The following FRMPD1 variants were observed in gnomAD, a reference collection of about 807,000 sequenced individuals.
FRMPD1 encodes the protein FERM and PDZ domain-containing protein 1.
Under a neutral mutation model 117.8 loss-of-function variants are expected in FRMPD1, and 76 were observed. That is an observed-to-expected ratio of 0.65 (90% CI 0.54 to 0.78). The LOEUF (loss-of-function observed/expected upper bound fraction) is 0.78, where lower values mean the gene tolerates loss of function less well. FRMPD1 is among the 30% of genes least tolerant of loss of function. FRMPD1 has a pLI of 0.00. For synonymous variants in FRMPD1, 783 were observed against 770.4 expected (o/e 1.02, Z -0.27); for missense variants, 1,786 against 1,964.5 (o/e 0.91, Z 1.72).
At chr9:37,610,124 C>G in the FRMPD1 span, among the ~76,000 whole-genome samples, 1 of 152,174 alleles carries the variant, frequency 6.6e-6, no homozygotes, top group African/African-American at 2.4e-5. Context: ...GTCTCTTTCC[C>G]CACAATAGAA....
intron 7 of FRMPD1, among the ~76,000 whole-genome samples, chr9:37,728,826 G>A (rs775365097): frequency 6.6e-6 from 1 of 152,028 alleles, no homozygotes; most frequent in Non-Finnish European, 1.5e-5. Flanking sequence ...AGCTGGGCGT[G>A]GTGGCGCACA....
the FRMPD1 span, among the ~76,000 whole-genome samples, chr9:37,626,277 C>G: frequency 6.6e-6 from 1 of 151,816 alleles, no homozygotes; most frequent in East Asian, 1.9e-4. Context: ...TGCAGTGAGT[C>G]GAGATCGCGC....
In FRMPD1 at chr9:37,714,324, T is replaced by C. The variant is rs150522635; in HGVS notation, c.408+2929T>C. On this transcript the variant is annotated intron_variant, in intron 5 of 15. Coordinates refer to ENST00000377765, the MANE Select transcript of FRMPD1 (RefSeq NM_014907.3). ...GAAATGAGCAAAAGAAAATACTTAATGTAGGGAGCAAGGGCAACAGCATAG... is the reference window on the plus strand; with the variant it reads ...GAAATGAGCAAAAGAAAATACTTAACGTAGGGAGCAAGGGCAACAGCATAG... 2.8e-4 allele frequency among the ~76,000 whole-genome samples: 42 copies of C among 152,268 alleles called. 1 individual carries two copies. The East Asian group carries it at 8.1e-3, about 29-fold the overall frequency.
rs72098221 is a variant in FRMPD1 at position 37,681,212 on chromosome 9, C to CAAAAA, written c.-4-11413_-4-11409dup. ...TGGGAGACAAAGCCAGACTCTGTCT[C>CAAAAA]AAAAAAAAAAAAAAAAAGAAAGAAA... is the stretch of plus-strand genomic sequence containing the variant. On this transcript the variant is annotated intron_variant, in intron 1 of 15. Coordinates refer to ENST00000377765, the MANE Select transcript of FRMPD1 (RefSeq NM_014907.3). Among the ~76,000 whole-genome samples the CAAAAA allele has an allele frequency of 1.2e-3, 103 of 85,508 alleles. 1 individual carries two copies. The highest frequency in any genetic ancestry group is 2.7e-3 in the East Asian group (7 of 2,552). 56.1% of individuals were successfully genotyped at this position (85,508 alleles called of 152,430 possible). A position where few individuals can be genotyped will look rare whatever the true frequency, so the allele number is the denominator to read the frequency against.
At position 37,745,891 on chromosome 9, in the gene FRMPD1, ATCT is replaced by A. The variant is rs756036763; in HGVS notation, c.3860_3862del (p.Ile1287_Cys1288delinsSer). 1.2e-6 allele frequency: 2 copies of A among 1,614,236 alleles called. No individual in the cohort carries two copies. Among genetic ancestry groups the A allele is most frequent in the Non-Finnish European group, 1.7e-6 (2 of 1,180,040 alleles). ...AGAAGGCAAAAGTGACAGCTCTAGCATCTGCCTTTCTGCTGAGAAGTCTTTTCT... is the reference window on the plus strand; with the variant it reads ...AGAAGGCAAAAGTGACAGCTCTAGCAGCCTTTCTGCTGAGAAGTCTTTTCT... On this transcript the variant is annotated inframe_deletion, in exon 16 of 16. Transcript: ENST00000377765.
At chr9:37,703,724 C>T (rs1438593890) in intron 2 of FRMPD1, among the ~76,000 whole-genome samples, 7 of 152,126 alleles carry the variant, frequency 4.6e-5, no homozygotes, top group Admixed American at 2.6e-4. Flanking sequence ...CTTGGACAAC[C>T]CCTAATCTAC....
the FRMPD1 span, among the ~76,000 whole-genome samples, chr9:37,620,518 A>G: frequency 9.9e-5 from 12 of 120,706 alleles, no homozygotes; most frequent in East Asian, 2.0e-3. Context: ...ATCATGATTT[A>G]AAAAAAAAAA....
At chr9:37,686,883 A>G (rs2117983856) in intron 1 of FRMPD1, among the ~76,000 whole-genome samples, 1 of 152,332 alleles carries the variant, frequency 6.6e-6, no homozygotes, top group East Asian at 1.9e-4. Flanking sequence ...TGCCTCTTCC[A>G]GTGCTGTGCT....
chr9:37,669,268 A>T (rs994912599), intron 1 of FRMPD1, among the ~76,000 whole-genome samples: 3 of 152,194 alleles, frequency 2.0e-5, no homozygotes, highest in African/African-American at 7.2e-5. Flanking sequence ...ACCACAGCTG[A>T]TCCCTTGACC....
At chr9:37,689,058 C>T (rs1268472231) in intron 1 of FRMPD1, among the ~76,000 whole-genome samples, 1 of 152,048 alleles carries the variant, frequency 6.6e-6, no homozygotes, top group Non-Finnish European at 1.5e-5. Flanking sequence ...TTCTTAGAAG[C>T]TCTTTCAACT....
chr9:37,695,572 T>C (rs1217661358), intron 2 of FRMPD1, among the ~76,000 whole-genome samples: 1 of 152,144 alleles, frequency 6.6e-6, no homozygotes, highest in Non-Finnish European at 1.5e-5. Context: ...TCATCTGTAA[T>C]CTTTGGTGTC....
intron 12 of FRMPD1, among the ~76,000 whole-genome samples, chr9:37,735,018 T>C (rs1307234456): frequency 6.6e-6 from 1 of 152,092 alleles, no homozygotes; most frequent in Non-Finnish European, 1.5e-5. Flanking sequence ...GGGTTACAAA[T>C]AGAGATAAAT....
At chr9:37,730,257 G>A (rs912511468) in intron 8 of FRMPD1, among the ~76,000 whole-genome samples, 7 of 152,168 alleles carry the variant, frequency 4.6e-5, no homozygotes, top group Admixed American at 6.5e-5. Context: ...ACTTACCCCC[G>A]ATATGGTTCC....
intron 14 of FRMPD1, among the ~76,000 whole-genome samples, 163 bp downstream of exon 14, chr9:37,737,406 A>G (rs1465807433): frequency 6.6e-6 from 1 of 152,238 alleles, no homozygotes; most frequent in African/African-American, 2.4e-5. Flanking sequence ...TTGATCTTTC[A>G]TAAATACTAA....
intron 2 of FRMPD1, among the ~76,000 whole-genome samples, 181 bp from the exon 3 acceptor site, chr9:37,707,235 C>T (rs1822741244): frequency 6.6e-6 from 1 of 152,190 alleles, no homozygotes; most frequent in Non-Finnish European, 1.5e-5. Flanking sequence ...GGCAATACGA[C>T]TTCTCTTTTA....
chr9:37,613,141 A>G, the FRMPD1 span, among the ~76,000 whole-genome samples: 1 of 152,226 alleles, frequency 6.6e-6, no homozygotes, highest in Non-Finnish European at 1.5e-5. Flanking sequence ...ACATTGTCCT[A>G]AGTGCTAGAG....
chr9:37,666,998 A>G (rs950344746), intron 1 of FRMPD1, among the ~76,000 whole-genome samples: 1 of 151,382 alleles, frequency 6.6e-6, no homozygotes, highest in African/African-American at 2.4e-5. Context: ...GCTGTGTATT[A>G]AAAAGTATTC....
At chr9:37,727,304 TAGTG>T (rs1377319037) in intron 7 of FRMPD1, among the ~76,000 whole-genome samples, 1 of 152,102 alleles carries the variant, frequency 6.6e-6, no homozygotes, top group East Asian at 1.9e-4. Context: ...AAGGGCCACA[TAGTG>T]AGTATTTTAG....
intron 15 of FRMPD1, among the ~76,000 whole-genome samples, chr9:37,743,861 C>G (rs1824544800): frequency 6.7e-6 from 1 of 150,330 alleles, no homozygotes; most frequent in Non-Finnish European, 1.5e-5. Flanking sequence ...CACCACTGCA[C>G]TATAGCCTGG....
Sources: allele counts gnomAD v4.1 joint callset (sites outside exome capture counted in the v4.1 genomes callset), GRCh38; gene constraint gnomAD v4.1.1; transcripts MANE v1.5; gene names NCBI Gene and HGNC (gene_info 2026-07-23, HGNC 2026-07-21).